UTS2B: variants seen among roughly 807,000 people sequenced by gnomAD.
UTS2B encodes urotensin-2B.
A neutral mutation model predicts 19.2 loss-of-function variants in UTS2B; 21 were observed. That is an observed-to-expected ratio of 1.09 (90% CI 0.78 to 1.58). The LOEUF (loss-of-function observed/expected upper bound fraction) is 1.58, where lower values mean the gene tolerates loss of function less well. Among genes scored for constraint, UTS2B ranks in the 40% most tolerant of loss-of-function variants. The pLI, the probability that UTS2B is intolerant of heterozygous loss-of-function variation, is 0.00. For missense variants in UTS2B, 138 were observed against 130.3 expected (o/e 1.06, Z -0.29); for synonymous variants, 57 against 50.2 (o/e 1.14, Z -0.58).
chr3:191,317,603 G>T (rs1017717290), intron 2 of UTS2B, among the ~76,000 whole-genome samples: 9 of 152,104 alleles, frequency 5.9e-5, no homozygotes, highest in African/African-American at 2.2e-4. Flanking sequence ...TGTTGAGTTG[G>T]AGTTTCCCTC....
At chr3:191,276,772 T>A (rs1231211245) in intron 7 of UTS2B, 35 bp downstream of exon 7, 6 of 1,583,760 alleles carry the variant, frequency 3.8e-6, no homozygotes, top group East Asian at 4.5e-5. Context: ...ATAATTGTTA[T>A]TAAAACTGCT....
Position 191,278,078 on chromosome 3 carries a change from T to C in UTS2B, c.196A>G (p.Asn66Asp). 1 of 1,537,916 alleles carries C rather than the reference T, an allele frequency of 6.5e-7. No individual in the cohort carries two copies. Among genetic ancestry groups the C allele is most frequent in the Non-Finnish European group, 8.8e-7 (1 of 1,140,472 alleles). The part of the protein sequence containing the change: ...NKNFDFQRPF[N>D]TDLALPNKLE... The stretch of plus-strand genomic sequence containing the variant: ...GACTTTATGTTTAACTCACCAGTGT[T>C]GAAAGGTCTTTGGAAATCAAAATTT... The change falls in exon 6 of 9, where the codon AAC becomes GAC. Residue 66 changes from asparagine to aspartate, a missense_variant. By Grantham distance (23) the Asn-to-Asp change is conservative. Transcript: ENST00000340524.
chr3:191,287,298 A>G (rs574412240), intron 4 of UTS2B, among the ~76,000 whole-genome samples: 13 of 152,252 alleles, frequency 8.5e-5, no homozygotes, highest in African/African-American at 3.1e-4. Flanking sequence ...AAGACATTAC[A>G]AGAACAGAAA....
intron 4 of UTS2B, among the ~76,000 whole-genome samples, chr3:191,297,734 A>G (rs569383783): frequency 6.6e-6 from 1 of 152,332 alleles, no homozygotes; most frequent in African/African-American, 2.4e-5. Flanking sequence ...TAAAATATTC[A>G]GCATTACACC....
chr3:191,292,799 T>C (rs1479530253), intron 4 of UTS2B, among the ~76,000 whole-genome samples: 1 of 152,206 alleles, frequency 6.6e-6, no homozygotes, highest in African/African-American at 2.4e-5. Flanking sequence ...TTTTTGTAGC[T>C]GCCCTTTACC....
At chr3:191,289,404 A>G (rs1576920207) in intron 4 of UTS2B, among the ~76,000 whole-genome samples, 2 of 145,668 alleles carry the variant, frequency 1.4e-5, no homozygotes, top group East Asian at 3.9e-4. Flanking sequence ...CCAAGACTCC[A>G]TCTCAATAAA....
At chr3:191,320,849 G>A (rs1177171356) in intron 2 of UTS2B, among the ~76,000 whole-genome samples, 2 of 152,186 alleles carry the variant, frequency 1.3e-5, no homozygotes, top group East Asian at 1.9e-4. Context: ...TCCTGAATAA[G>A]TGCTAATTAA....
At chr3:191,339,596 G>A in the UTS2B span, among the ~76,000 whole-genome samples, 2 of 152,154 alleles carry the variant, frequency 1.3e-5, no homozygotes, top group Admixed American at 6.5e-5. Flanking sequence ...CATTTAGAAC[G>A]CGTTGCAGAT....
intron 4 of UTS2B, among the ~76,000 whole-genome samples, chr3:191,303,530 T>TAA (rs56081437): frequency 9.4e-5 from 14 of 148,216 alleles, no homozygotes; most frequent in Non-Finnish European, 1.8e-4. Context: ...CACATTTCCT[T>TAA]AAAAAAAAAA....
chr3:191,289,455 A>AAAT (rs1246750924), intron 4 of UTS2B, among the ~76,000 whole-genome samples: 21 of 31,576 alleles, frequency 6.7e-4, no homozygotes, highest in Admixed American at 2.0e-3. Flanking sequence ...AATAAAAAAC[A>AAAT]AACGAAATTA....
intron 3 of UTS2B, among the ~76,000 whole-genome samples, chr3:191,307,393 A>T (rs1395854051): frequency 6.6e-6 from 1 of 152,218 alleles, no homozygotes; most frequent in Non-Finnish European, 1.5e-5. Context: ...AGGCAAAATT[A>T]TATGCTATTG....
chr3:191,292,598 T>C (rs1716749416), intron 4 of UTS2B, among the ~76,000 whole-genome samples: 1 of 152,336 alleles, frequency 6.6e-6, no homozygotes, highest in Admixed American at 6.5e-5. Context: ...TGTCAACAAA[T>C]AGAGACAGTT....
intron 1 of UTS2B, among the ~76,000 whole-genome samples, chr3:191,330,067 C>T (rs948008518): frequency 2.0e-5 from 3 of 151,970 alleles, no homozygotes; most frequent in Admixed American, 1.3e-4. Context: ...TCTAAAAAAT[C>T]GAGGCCCAGC....
intron 4 of UTS2B, among the ~76,000 whole-genome samples, chr3:191,290,263 A>C (rs1576920656): frequency 2.0e-5 from 3 of 152,226 alleles, no homozygotes; most frequent in African/African-American, 7.2e-5. Context: ...GCAGATGTTT[A>C]CTATCGATTG....
chr3:191,311,490 T>G (rs1717300232), intron 3 of UTS2B, among the ~76,000 whole-genome samples: 1 of 152,216 alleles, frequency 6.6e-6, no homozygotes, highest in Non-Finnish European at 1.5e-5. Context: ...GGCATCACCA[T>G]TGCTCTCTGA....
chr3:191,269,793 A>G (rs1716038267), intron 8 of UTS2B, among the ~76,000 whole-genome samples: 1 of 152,236 alleles, frequency 6.6e-6, no homozygotes, highest in South Asian at 2.1e-4. Flanking sequence ...GACTTATACC[A>G]CATGAACAGC....
intron 4 of UTS2B, among the ~76,000 whole-genome samples, chr3:191,291,784 G>T (rs1716726495): frequency 1.3e-5 from 2 of 150,252 alleles, no homozygotes; most frequent in Non-Finnish European, 3.0e-5. Context: ...TATATATGGT[G>T]TGAGGTTGGG....
At chr3:191,303,084 G>A (rs564198404) in intron 4 of UTS2B, among the ~76,000 whole-genome samples, 34 of 152,284 alleles carry the variant, frequency 2.2e-4, no homozygotes, top group African/African-American at 7.9e-4. Flanking sequence ...CACAAAAACA[G>A]CATTTGTTCC....
At chr3:191,299,883 T>C (rs543314886) in intron 4 of UTS2B, among the ~76,000 whole-genome samples, 4 of 152,302 alleles carry the variant, frequency 2.6e-5, no homozygotes, top group African/African-American at 7.2e-5. Context: ...CCCAAGACCT[T>C]GGGAACCCAC....
Sources: gnomAD v4.1 joint callset for allele counts (sites outside exome capture counted in the v4.1 genomes callset) on GRCh38, gnomAD v4.1.1 for gene constraint, MANE v1.5 for transcripts, NCBI Gene and HGNC (gene_info 2026-07-23, HGNC 2026-07-21) for gene names.